The following MED20 variants were observed in gnomAD, a reference collection of about 807,000 sequenced individuals.
MED20 encodes the protein mediator of RNA polymerase II transcription subunit 20.
MED20 carries 19 observed loss-of-function variants against 19.7 expected under a neutral mutation model. The ratio of observed to expected loss-of-function variants is 0.96; its 90% CI spans 0.67 to 1.42. MED20 has a LOEUF of 1.42. Among genes scored for constraint, MED20 ranks in the 40% most tolerant of loss-of-function variants. MED20 has a pLI of 0.00. For missense variants in MED20, 225 were observed against 273.0 expected (o/e 0.82, Z 1.24); for synonymous variants, 105 against 104.8 (o/e 1.00, Z -0.01).
In MED20 at chr6:41,906,995, C is replaced by G. The variant is rs1775066639; in HGVS notation, c.*77G>C. Reference sequence around the variant, plus strand: ...ATGTCTACCCTGGGTTTCTGGGGTCCAGGGACCTGAAAGTCAGCACCTGCT... The same window carrying G: ...ATGTCTACCCTGGGTTTCTGGGGTCGAGGGACCTGAAAGTCAGCACCTGCT... On this transcript the variant is annotated 3_prime_UTR_variant, in exon 4 of 4. Transcript: ENST00000265350. 1 of 1,372,714 alleles carries G rather than the reference C, an allele frequency of 7.3e-7. No homozygotes were observed. Among genetic ancestry groups the G allele is most frequent in the Admixed American group, 1.8e-5 (1 of 56,704 alleles). 85.0% of individuals were successfully genotyped at this position (1,372,714 alleles called of 1,614,324 possible). A position where few individuals can be genotyped will look rare whatever the true frequency, so the allele number is the denominator to read the frequency against.
intron 2 of MED20, among the ~76,000 whole-genome samples, chr6:41,914,936 C>T (rs1385124248): frequency 1.3e-5 from 2 of 152,152 alleles, no homozygotes; most frequent in Admixed American, 1.3e-4. Context: ...GGGCCTAAAA[C>T]AAGTCTTTCT....
chr6:41,919,543 T>A (rs1775405402), intron 1 of MED20, among the ~76,000 whole-genome samples: 1 of 152,154 alleles, frequency 6.6e-6, no homozygotes, highest in Non-Finnish European at 1.5e-5. Flanking sequence ...ATCCCTAAAC[T>A]GACGCTACAA....
intron 1 of MED20, among the ~76,000 whole-genome samples, chr6:41,918,947 C>T (rs1775387745): frequency 9.5e-6 from 1 of 105,176 alleles, no homozygotes; most frequent in Non-Finnish European, 1.9e-5. Flanking sequence ...GAGCGAGACT[C>T]CGTCTCAAAA....
At chr6:41,918,602 A>T (rs542374060) in intron 1 of MED20, among the ~76,000 whole-genome samples, 209 of 152,150 alleles carry the variant, frequency 1.4e-3, no homozygotes, top group African/African-American at 4.7e-3. Context: ...TCACGAGGTC[A>T]GGAGATCAAG....
In MED20 at chr6:41,909,338, C is replaced by G. The variant is rs1775132437; in HGVS notation, c.354G>C (p.Gln118His). ...SKIETRGTRYQYCDFLVKVGT... is the reference protein window; with the variant it reads ...SKIETRGTRYHYCDFLVKVGT... ...CCACCTTCACCAGGAAGTCACAGTA[C>G]TGGTACCTGGTGCCCCGGGTCTCAA... Residue 118 changes from glutamine to histidine, a missense_variant, in exon 3 of 4, where the codon CAG (glutamine) becomes CAC (histidine). By Grantham distance (24) the Gln-to-His change is conservative (BLOSUM62 0). Transcript: ENST00000265350. 1 of 1,614,178 alleles carries G rather than the reference C, an allele frequency of 6.2e-7. No homozygotes were observed. The highest frequency in any genetic ancestry group is 1.1e-5 in the South Asian group (1 of 91,082).
intron 2 of MED20, 70 bp from the exon 3 acceptor site, chr6:41,909,592 C>A: frequency 6.4e-7 from 1 of 1,574,626 alleles, no homozygotes. Context: ...AGTCAAATGA[C>A]TCCCCCCGGA....
Position 41,906,109 on chromosome 6 carries a change from CCT to C in MED20, c.*961_*962del, listed in dbSNP as rs1345736825. 6.6e-6 allele frequency: 1 copy of C among 152,172 alleles called. No individual in the cohort carries two copies. The allele number at this position is 152,172 out of a possible 1,614,324, so 9.4% of individuals were successfully genotyped here. A position where few individuals can be genotyped will look rare whatever the true frequency, so the allele number is the denominator to read the frequency against. ...TCTTTCATCTTGTAGTCACAGAATCCCTGAGTTTTAACTCAGCACATGACTGC... is the reference window on the plus strand; with the variant it reads ...TCTTTCATCTTGTAGTCACAGAATCCGAGTTTTAACTCAGCACATGACTGC... On this transcript the variant is annotated 3_prime_UTR_variant, in exon 4 of 4. Transcript: ENST00000265350.
chr6:41,916,617 G>A (rs1775321309), intron 2 of MED20, among the ~76,000 whole-genome samples, 168 bp downstream of exon 2: 1 of 151,996 alleles, frequency 6.6e-6, no homozygotes, highest in South Asian at 2.1e-4. Flanking sequence ...GCTTTCAAAG[G>A]CCCTATTCTA....
Position 41,906,890 on chromosome 6 carries a change from TGA to T in MED20, c.*180_*181del. The T allele has an allele frequency of 1.7e-6, 1 of 591,878 alleles. No individual in the cohort carries two copies. Among genetic ancestry groups the T allele is most frequent in the African/African-American group, 1.9e-5 (1 of 51,390 alleles). 36.7% of individuals were successfully genotyped at this position (591,878 alleles called of 1,614,324 possible). ...AAAACAGCTGATGGGGGGCTATGTG[TGA>T]GAGTCAGGGGGTTGGGGAGGGGACT... is the stretch of plus-strand genomic sequence containing the variant. On this transcript the variant is annotated 3_prime_UTR_variant, in exon 4 of 4. Transcript: ENST00000265350.
At chr6:41,917,399 TAAA>T in intron 1 of MED20, 4 of 158,506 alleles carry the variant, frequency 2.5e-5, no homozygotes, top group South Asian at 1.2e-4. Flanking sequence ...GACGCCATCT[TAAA>T]AAAAAAAAAA....
chr6:41,918,459 G>A (rs1440574077), intron 1 of MED20, among the ~76,000 whole-genome samples: 5 of 149,364 alleles, frequency 3.3e-5, no homozygotes, highest in African/African-American at 1.2e-4. Flanking sequence ...AGCCAAGATC[G>A]CACCACTGCC....
intron 1 of MED20, among the ~76,000 whole-genome samples, chr6:41,918,953 C>CAA (rs36153208): frequency 0.015 from 1,136 of 76,144 alleles, 54 homozygotes; most frequent in African/African-American, 0.041. Flanking sequence ...GACTCCGTCT[C>CAA]AAAAAAAAAA....
At chr6:41,908,881 T>A (rs1285496271) in intron 3 of MED20, 1 of 251,754 alleles carries the variant, frequency 4.0e-6, no homozygotes, top group Non-Finnish European at 7.5e-6. Flanking sequence ...CATAAATATC[T>A]GTTTAAATTG....
intron 2 of MED20, among the ~76,000 whole-genome samples, chr6:41,914,071 T>A (rs761689107): frequency 6.6e-6 from 1 of 152,134 alleles, no homozygotes; most frequent in Non-Finnish European, 1.5e-5. Flanking sequence ...AAGAAATGTA[T>A]ACAGGGAACA....
At chr6:41,915,897 A>C (rs1775304520) in intron 2 of MED20, among the ~76,000 whole-genome samples, 1 of 152,128 alleles carries the variant, frequency 6.6e-6, no homozygotes, top group Admixed American at 6.6e-5. Flanking sequence ...ATATATCCAA[A>C]CTCATTAAGA....
Position 41,907,218 on chromosome 6 carries a change from G to C in MED20, c.493C>G (p.Leu165Val), listed in dbSNP as rs771561735. Residue 165 changes from leucine to valine, a missense_variant, in exon 4 of 4, where the codon CTA (leucine) becomes GTA (valine). Coordinates refer to ENST00000265350, the MANE Select transcript of MED20 (RefSeq NM_004275.5). The part of the protein sequence containing the change: ...SLLLEFLQSF[L>V]GSHTPGAPAV... ...GGAGCCCCTGGTGTGTGGCTGCCTA[G>C]AAAACTCTGTAGGAACTCGAGCAGC... 16 of 1,613,912 alleles carry C rather than the reference G, an allele frequency of 9.9e-6. No homozygotes were observed. In the African/African-American group the frequency reaches 1.9e-4, roughly 19 times the overall value.
chr6:41,918,704 T>G (rs1291834398), intron 1 of MED20, among the ~76,000 whole-genome samples: 1 of 151,216 alleles, frequency 6.6e-6, no homozygotes, highest in Non-Finnish European at 1.5e-5. Flanking sequence ...TCCCAGCACT[T>G]TGGGAGGCCG....
At chr6:41,910,371 C>T (rs1044549185) in intron 2 of MED20, among the ~76,000 whole-genome samples, 1 of 152,178 alleles carries the variant, frequency 6.6e-6, no homozygotes, top group African/African-American at 2.4e-5. Context: ...GTGGCTCCCA[C>T]CCGTAATCCC....
At chr6:41,915,610 A>AC (rs1775294609) in intron 2 of MED20, among the ~76,000 whole-genome samples, 1 of 151,978 alleles carries the variant, frequency 6.6e-6, no homozygotes, top group African/African-American at 2.4e-5. Context: ...ACACGGTGAA[A>AC]CCCCGTCTCT....
Sources: allele counts gnomAD v4.1 joint callset (sites outside exome capture counted in the v4.1 genomes callset), GRCh38; gene constraint gnomAD v4.1.1; transcripts MANE v1.5; gene names NCBI Gene and HGNC (gene_info 2026-07-23, HGNC 2026-07-21).